Variants in CDK1 observed in about 807,000 individuals in gnomAD.
CDK1 encodes the protein cyclin dependent kinase 1.
Under a neutral mutation model 34.6 loss-of-function variants are expected in CDK1, and 5 were observed. The observed-to-expected ratio is 0.14, with a 90% confidence interval of 0.08 to 0.30. The LOEUF is 0.30. Among genes scored for constraint, CDK1 ranks in the 10% least tolerant of loss-of-function variants. The pLI is 1.00. For synonymous variants in CDK1, 108 were observed against 114.7 expected (o/e 0.94, Z 0.37); for missense variants, 157 against 345.7 (o/e 0.45, Z 4.33).
In CDK1 at chr10:60,794,846, CAA is replaced by C. The variant is rs1554822944; in HGVS notation, c.*873_*874del. ...TAGCTTTGGGAATTAAACTGTTTAA[CAA>C]ATAATGCTGCTCATTGTGATTCTTA... On this transcript the variant is annotated 3_prime_UTR_variant, in exon 8 of 8. Transcript: ENST00000395284. 6.6e-6 allele frequency: 1 copy of C among 152,146 alleles called. No homozygotes were observed. Among genetic ancestry groups the C allele is most frequent in the Non-Finnish European group, 1.5e-5 (1 of 68,000 alleles). The allele number at this position is 152,146 out of a possible 1,614,324, so 9.4% of individuals were successfully genotyped here.
chr10:60,790,660 T>G (rs1195249518), intron 5 of CDK1, among the ~76,000 whole-genome samples: 1 of 152,188 alleles, frequency 6.6e-6, no homozygotes, highest in African/African-American at 2.4e-5. Flanking sequence ...AATAGTTTCA[T>G]AGTTTAAGGT....
At chr10:60,786,525 T>C (rs538769802) in intron 4 of CDK1, 3 of 202,796 alleles carry the variant, frequency 1.5e-5, no homozygotes, top group Non-Finnish European at 2.6e-5. Flanking sequence ...TTAACAGTAC[T>C]GCACTGAATG....
intron 2 of CDK1, among the ~76,000 whole-genome samples, chr10:60,782,888 A>G (rs2080284545): frequency 6.6e-6 from 1 of 152,178 alleles, no homozygotes; most frequent in African/African-American, 2.4e-5. Flanking sequence ...GAGAAGTGAT[A>G]TTATCTCTAA....
At chr10:60,784,902 T>A (rs943156272) in intron 3 of CDK1, 41 bp downstream of exon 3, 2 of 1,540,690 alleles carry the variant, frequency 1.3e-6, no homozygotes, top group African/African-American at 2.7e-5. Flanking sequence ...TTCTGCATGC[T>A]ATTTCAAATA....
chr10:60,787,097 T>C (rs1420792591), intron 4 of CDK1: 5 of 981,340 alleles, frequency 5.1e-6, no homozygotes, highest in Non-Finnish European at 6.1e-6. Flanking sequence ...TTCTAACTGG[T>C]TTTATGTACA....
chr10:60,784,974 A>C, intron 3 of CDK1, 113 bp downstream of exon 3: 3 of 876,088 alleles, frequency 3.4e-6, no homozygotes, highest in Non-Finnish European at 5.4e-6. Flanking sequence ...TACTGAGTGG[A>C]CTAGAACCCT....
Position 60,788,119 on chromosome 10 carries a change from C to T in CDK1, c.378C>T (p.His126=), listed in dbSNP as rs182798463. 4.4e-6 allele frequency: 7 copies of T among 1,605,522 alleles called. No individual in the cohort carries two copies. The East Asian group carries it at 1.6e-4, about 36-fold the overall frequency. Reference sequence around the variant, plus strand: ...TTTGTCACTCTAGAAGAGTTCTTCACAGAGACTTAAAACCTCAAAATCTCT... The same window carrying T: ...TTTGTCACTCTAGAAGAGTTCTTCATAGAGACTTAAAACCTCAAAATCTCT... ...IVFCHSRRVL[H]RDLKPQNLLI... is the part of the protein sequence containing the mutation. The change falls in exon 5 of 8, where the codon CAC becomes CAT. Residue 126 remains histidine (H), a synonymous_variant. Transcript: ENST00000395284.
Position 60,778,641 on chromosome 10 carries a change from G to A in CDK1, c.-26+71G>A, listed in dbSNP as rs536617584. Reference sequence around the variant, plus strand: ...CCTCGGAGGGCGAGTATTGAGGAACGGGGTCCTCTAAGAAGGCCGGACTGG... The same window carrying A: ...CCTCGGAGGGCGAGTATTGAGGAACAGGGTCCTCTAAGAAGGCCGGACTGG... On this transcript the variant is annotated intron_variant, in intron 1 of 7. Transcript: ENST00000395284. The A allele has an allele frequency of 1.4e-3, 220 of 152,676 alleles. 2 individuals are homozygous for A. Among genetic ancestry groups the A allele is most frequent in the Middle Eastern group, 0.014 (4 of 294 alleles). 9.5% of individuals were successfully genotyped at this position (152,676 alleles called of 1,614,324 possible).
At chr10:60,785,544 G>C in intron 3 of CDK1, 120 bp from the exon 4 acceptor site, 1 of 614,300 alleles carries the variant, frequency 1.6e-6, no homozygotes. Flanking sequence ...CATTAGGGAA[G>C]CTACTACGTC....
chr10:60,791,305 T>G (rs2080358186), intron 5 of CDK1, among the ~76,000 whole-genome samples: 1 of 152,180 alleles, frequency 6.6e-6, no homozygotes, highest in Non-Finnish European at 1.5e-5. Context: ...GATGTTATTT[T>G]TCAGCTAGTT....
chr10:60,778,462 G>C (rs924618899), upstream of CDK1: 7 of 152,384 alleles, frequency 4.6e-5, no homozygotes, highest in African/African-American at 1.7e-4. Context: ...TTAGCGCGGT[G>C]AGTTTGAAAC....
chr10:60,792,639 C>G (rs1381799608), intron 7 of CDK1, among the ~76,000 whole-genome samples: 2 of 151,536 alleles, frequency 1.3e-5, no homozygotes, highest in African/African-American at 4.8e-5. Flanking sequence ...ACGTGTTTTT[C>G]TTATTGGTTG....
intron 5 of CDK1, among the ~76,000 whole-genome samples, chr10:60,789,586 G>A (rs2928096): frequency 1.3e-5 from 2 of 152,016 alleles, no homozygotes; most frequent in African/African-American, 4.8e-5. Flanking sequence ...ATTCCATTGC[G>A]TGCACGTATG....
intron 5 of CDK1, among the ~76,000 whole-genome samples, chr10:60,791,272 A>G (rs1589114446): frequency 6.6e-6 from 1 of 152,006 alleles, no homozygotes; most frequent in Admixed American, 6.6e-5. Context: ...TTTTGTACCT[A>G]TTGTACATTA....
chr10:60,790,352 T>C (rs2080350845), intron 5 of CDK1, among the ~76,000 whole-genome samples: 1 of 152,144 alleles, frequency 6.6e-6, no homozygotes, highest in Admixed American at 6.5e-5. Context: ...CCAGTGATCC[T>C]TCCACGTCAG....
chr10:60,780,305 T>A (rs2448344), intron 2 of CDK1, 103 bp downstream of exon 2: 544,284 of 718,906 alleles, frequency 0.76, 207,688 homozygotes, highest in South Asian at 0.81. Context: ...AACCATTAAG[T>A]TGTCTTGTAG....
At chr10:60,780,477 A>C (rs1185911985) in intron 2 of CDK1, among the ~76,000 whole-genome samples, 1 of 152,146 alleles carries the variant, frequency 6.6e-6, no homozygotes, top group Non-Finnish European at 1.5e-5. Flanking sequence ...TATTTTGAAG[A>C]CACTATTGAT....
intron 7 of CDK1, 93 bp downstream of exon 7, chr10:60,792,382 A>G: frequency 8.5e-7 from 1 of 1,171,924 alleles, no homozygotes; most frequent in Non-Finnish European, 1.2e-6. Context: ...AAGAACACTA[A>G]CATTTTTGAG....
At chr10:60,785,404 C>G (rs2080307130) in intron 3 of CDK1, among the ~76,000 whole-genome samples, 1 of 152,104 alleles carries the variant, frequency 6.6e-6, no homozygotes, top group Non-Finnish European at 1.5e-5. Context: ...AAGCTCTCAG[C>G]AATTAGTAGC....
Sources: allele counts gnomAD v4.1 joint callset (sites outside exome capture counted in the v4.1 genomes callset), GRCh38; gene constraint gnomAD v4.1.1; transcripts MANE v1.5; gene names NCBI Gene and HGNC (gene_info 2026-07-23, HGNC 2026-07-21).